The following KCNH5 variants were observed in gnomAD, a reference collection of about 807,000 sequenced individuals.
The protein encoded by KCNH5 is potassium voltage-gated channel subfamily H member 5, also known as voltage-gated delayed rectifier potassium channel KCNH5.
Under a neutral mutation model 96.1 loss-of-function variants are expected in KCNH5, and 46 were observed. That is an observed-to-expected ratio of 0.48 (90% CI 0.38 to 0.61). The LOEUF is 0.61. KCNH5 is among the 20% of genes least tolerant of loss of function. The probability of loss-of-function intolerance (pLI) is 0.00; values close to 1 mark genes in which losing one functional copy is unlikely to be tolerated. For missense variants in KCNH5, 907 were observed against 1,225.8 expected, an observed-to-expected ratio of 0.74 and a Z score of 3.88; for synonymous variants, 439 against 449.8, an observed-to-expected ratio of 0.98 and a Z score of 0.30.
intron 8 of KCNH5, among the ~76,000 whole-genome samples, chr14:62,825,731 ATTC>A (rs1279885970): frequency 6.6e-6 from 1 of 151,628 alleles, no homozygotes; most frequent in African/African-American, 2.4e-5. Flanking sequence ...TCATTCATTC[ATTC>A]TTCCTTTCTT....
chr14:63,025,170 GAAAAATTC>G (rs1176442594), intron 1 of KCNH5, among the ~76,000 whole-genome samples: 3 of 152,004 alleles, frequency 2.0e-5, no homozygotes, highest in Admixed American at 2.0e-4. Context: ...AAAGGCATTT[GAAAAATTC>G]AACATTGTTT....
At chr14:62,957,869 A>T (rs980886884) in intron 6 of KCNH5, among the ~76,000 whole-genome samples, 1 of 152,212 alleles carries the variant, frequency 6.6e-6, no homozygotes, top group African/African-American at 2.4e-5. Flanking sequence ...GATAAGCCAA[A>T]CCTAGCCTAA....
At chr14:62,796,715 G>A (rs1389202189) in intron 9 of KCNH5, among the ~76,000 whole-genome samples, 3 of 152,192 alleles carry the variant, frequency 2.0e-5, no homozygotes, top group African/African-American at 4.8e-5. Context: ...TCCTCAGGAA[G>A]TCCTGACGAC....
chr14:62,914,482 CT>C (rs1455235734), intron 7 of KCNH5, among the ~76,000 whole-genome samples: 4 of 152,228 alleles, frequency 2.6e-5, no homozygotes, highest in Middle Eastern at 3.4e-3. Context: ...GTGGAGTATA[CT>C]GTGGTTTTAT....
At chr14:63,015,186 G>A (rs1028136163) in intron 2 of KCNH5, among the ~76,000 whole-genome samples, 1 of 152,082 alleles carries the variant, frequency 6.6e-6, no homozygotes. Context: ...TATTTCTCAA[G>A]CCTGGATAGG....
At chr14:62,947,065 A>G (rs1041775950) in intron 7 of KCNH5, among the ~76,000 whole-genome samples, 3 of 152,184 alleles carry the variant, frequency 2.0e-5, no homozygotes, top group Non-Finnish European at 4.4e-5. Context: ...ATCATTGTCA[A>G]TTTTGATACT....
At chr14:62,769,018 A>T (rs1195647867) in intron 10 of KCNH5, among the ~76,000 whole-genome samples, 1 of 152,248 alleles carries the variant, frequency 6.6e-6, no homozygotes, top group Non-Finnish European at 1.5e-5. Flanking sequence ...CTAAATGCAC[A>T]TGACAAACTT....
At chr14:62,950,615 G>A (rs1889985939) in intron 6 of KCNH5, 56 bp from the exon 7 acceptor site, 2 of 1,412,740 alleles carry the variant, frequency 1.4e-6, no homozygotes, top group Non-Finnish European at 1.9e-6. Context: ...AAAAAAGGCT[G>A]GGGAAACAAT....
At chr14:62,825,807 TC>T (rs1887212173) in intron 8 of KCNH5, among the ~76,000 whole-genome samples, 1 of 152,022 alleles carries the variant, frequency 6.6e-6, no homozygotes, top group South Asian at 2.1e-4. Context: ...CTTGCTTTTA[TC>T]CTTCGTTCTC....
chr14:62,722,891 G>A (rs934608895), intron 10 of KCNH5, among the ~76,000 whole-genome samples: 32 of 152,242 alleles, frequency 2.1e-4, no homozygotes, highest in African/African-American at 6.7e-4. Flanking sequence ...ACTGAAACCC[G>A]TTTCCTACTG....
intron 7 of KCNH5, among the ~76,000 whole-genome samples, chr14:62,851,286 T>C (rs1887799007): frequency 6.6e-6 from 1 of 152,144 alleles, no homozygotes; most frequent in African/African-American, 2.4e-5. Context: ...TCAATATTCA[T>C]ATTTAAAAAC....
Position 62,856,328 on chromosome 14 carries a change from C to T in KCNH5, c.1370-6476G>A, listed in dbSNP as rs977059298. On this transcript the variant is annotated intron_variant, in intron 7 of 10. Transcript: ENST00000322893. Reference sequence around the variant, plus strand: ...TTAGATATTATATTTTGTGCCCCTCCATAATGATAACCAGTACTAACTTTT... The same window carrying T: ...TTAGATATTATATTTTGTGCCCCTCTATAATGATAACCAGTACTAACTTTT... Among the ~76,000 whole-genome samples the T allele has an allele frequency of 1.2e-4, 19 of 152,296 alleles. No individual in the cohort carries two copies. In the East Asian group the frequency reaches 2.3e-3, roughly 19 times the overall value.
chr14:63,031,596 G>A (rs1891627691), intron 1 of KCNH5, among the ~76,000 whole-genome samples: 1 of 152,112 alleles, frequency 6.6e-6, no homozygotes, highest in Non-Finnish European at 1.5e-5. Context: ...GTGGTGGGGA[G>A]GGGAAGGAAA....
At chr14:62,961,968 C>A (rs960807130) in intron 6 of KCNH5, among the ~76,000 whole-genome samples, 1 of 128,378 alleles carries the variant, frequency 7.8e-6, no homozygotes, top group African/African-American at 3.0e-5. Flanking sequence ...CAGATGGAGA[C>A]GGAGATGCAG....
intron 7 of KCNH5, among the ~76,000 whole-genome samples, chr14:62,945,184 G>A (rs1212023698): frequency 6.6e-6 from 1 of 152,138 alleles, no homozygotes; most frequent in Non-Finnish European, 1.5e-5. Flanking sequence ...AAGGTAGATG[G>A]TAAGAAGCAG....
intron 7 of KCNH5, among the ~76,000 whole-genome samples, chr14:62,868,958 C>T (rs933239200): frequency 5.9e-5 from 9 of 152,108 alleles, no homozygotes; most frequent in African/African-American, 1.2e-4. Flanking sequence ...TGGGTTGGTT[C>T]GAAGTCTTTG....
intron 7 of KCNH5, among the ~76,000 whole-genome samples, chr14:62,918,995 C>T (rs998662088): frequency 3.3e-5 from 5 of 151,982 alleles, no homozygotes; most frequent in South Asian, 2.1e-4. Context: ...ATGTTACAGC[C>T]ATACAAAGTA....
intron 10 of KCNH5, among the ~76,000 whole-genome samples, chr14:62,749,649 T>A (rs1011068721): frequency 6.6e-6 from 1 of 152,210 alleles, no homozygotes; most frequent in African/African-American, 2.4e-5. Flanking sequence ...GGTCTGTAGT[T>A]AAGAAAGGAC....
intron 8 of KCNH5, among the ~76,000 whole-genome samples, chr14:62,810,369 G>A (rs1301213609): frequency 6.6e-6 from 1 of 152,022 alleles, no homozygotes; most frequent in East Asian, 1.9e-4. Flanking sequence ...TTATAAAGGG[G>A]AGGGGGAAAT....
Sources: allele counts gnomAD v4.1 joint callset (sites outside exome capture counted in the v4.1 genomes callset), GRCh38; gene constraint gnomAD v4.1.1; transcripts MANE v1.5; gene names NCBI Gene and HGNC (gene_info 2026-07-23, HGNC 2026-07-21).